AUTS2: variants seen among roughly 807,000 people sequenced by gnomAD.
The protein encoded by AUTS2 is activator of transcription and developmental regulator AUTS2.
A neutral mutation model predicts 112.4 loss-of-function variants in AUTS2; 17 were observed. That is an observed-to-expected ratio of 0.15 (90% CI 0.10 to 0.23). The LOEUF (loss-of-function observed/expected upper bound fraction) is 0.23. Ranked by LOEUF, AUTS2 falls within the 10% of genes least tolerant of loss-of-function variation. The pLI is 1.00. For missense variants in AUTS2, 1,510 were observed against 1,701.6 expected (o/e 0.89, Z 1.98); for synonymous variants, 751 against 702.7 (o/e 1.07, Z -1.09).
rs895785428 is a variant in AUTS2, at chr7:69,636,489, C to CG, written c.309+36527_309+36528insG. Among the ~76,000 whole-genome samples the CG allele has an allele frequency of 7.5e-5, 7 of 93,320 alleles. 2 individuals are homozygous for CG. The highest frequency in any genetic ancestry group is 2.0e-4 in the African/African-American group (5 of 24,428). The allele number at this position is 93,320 out of a possible 152,430, so 61.2% of individuals were successfully genotyped here. ...ACCTCAAGTGATCCGCGCCCCCCCC[C>CG]CCCCTTGGCCTCCCAAAGTGCTAGG... On this transcript the variant is annotated intron_variant, in intron 1 of 18. Transcript: ENST00000342771.
At chr7:70,081,932 AAG>A (rs1337900663) in intron 2 of AUTS2, among the ~76,000 whole-genome samples, 2 of 123,428 alleles carry the variant, frequency 1.6e-5, no homozygotes, top group Non-Finnish European at 3.3e-5. Context: ...TTTTTCTGTG[AAG>A]AGTGTGTGTG....
chr7:70,338,650 A>C (rs761139014), intron 4 of AUTS2, among the ~76,000 whole-genome samples: 2 of 152,120 alleles, frequency 1.3e-5, no homozygotes, highest in African/African-American at 4.8e-5. Flanking sequence ...TTCAGGGATG[A>C]GTATTCCCTC....
chr7:70,370,332 T>A (rs1485057796), intron 4 of AUTS2, among the ~76,000 whole-genome samples: 2 of 152,136 alleles, frequency 1.3e-5, no homozygotes, highest in Non-Finnish European at 2.9e-5. Flanking sequence ...CCTTGCCCAT[T>A]CCACTGCCCC....
At chr7:69,883,517 G>A (rs1423609319) in intron 1 of AUTS2, among the ~76,000 whole-genome samples, 1 of 152,128 alleles carries the variant, frequency 6.6e-6, no homozygotes, top group Non-Finnish European at 1.5e-5. Context: ...TGACAAAACA[G>A]CTGTCATTTT....
intron 5 of AUTS2, among the ~76,000 whole-genome samples, chr7:70,635,337 T>C (rs1195339943): frequency 1.3e-5 from 2 of 152,154 alleles, no homozygotes; most frequent in Non-Finnish European, 2.9e-5. Flanking sequence ...CTTCTGAACA[T>C]TGTGAAGGCA....
intron 5 of AUTS2, among the ~76,000 whole-genome samples, chr7:70,549,124 T>C (rs1800915805): frequency 6.6e-6 from 1 of 152,240 alleles, no homozygotes; most frequent in Admixed American, 6.5e-5. Context: ...GTTGCACTTC[T>C]TTTGTGTTAT....
chr7:70,091,231 T>C (rs1803904484), intron 2 of AUTS2, among the ~76,000 whole-genome samples: 1 of 152,198 alleles, frequency 6.6e-6, no homozygotes, highest in Admixed American at 6.5e-5. Flanking sequence ...ATTTTTCCCC[T>C]GGATGCTCTT....
At chr7:69,602,736 A>G (rs1235944728) in intron 1 of AUTS2, among the ~76,000 whole-genome samples, 1 of 152,220 alleles carries the variant, frequency 6.6e-6, no homozygotes, top group Non-Finnish European at 1.5e-5. Flanking sequence ...AAGAGGCCCA[A>G]CTTTTGTAGG....
At chr7:70,528,355 C>T (rs1180796167) in intron 5 of AUTS2, among the ~76,000 whole-genome samples, 2 of 151,888 alleles carry the variant, frequency 1.3e-5, no homozygotes, top group Admixed American at 6.6e-5. Flanking sequence ...TTGCAGAGCA[C>T]GCTGAGCAGG....
At chr7:70,751,829 T>C (rs1214750797) in intron 6 of AUTS2, among the ~76,000 whole-genome samples, 2 of 151,946 alleles carry the variant, frequency 1.3e-5, no homozygotes, top group Admixed American at 6.6e-5. Flanking sequence ...CAAGTGATTC[T>C]CCTGCCTCAG....
At chr7:70,253,659 C>G (rs1469393137) in intron 4 of AUTS2, among the ~76,000 whole-genome samples, 1 of 152,070 alleles carries the variant, frequency 6.6e-6, no homozygotes, top group Non-Finnish European at 1.5e-5. Context: ...CTTATATTCT[C>G]AGGGTGAGGT....
intron 2 of AUTS2, among the ~76,000 whole-genome samples, chr7:70,003,322 A>G (rs1451766523): frequency 7.6e-6 from 1 of 131,434 alleles, no homozygotes; most frequent in South Asian, 2.2e-4. Context: ...AATATATATA[A>G]CATATGAATA....
At chr7:70,281,001 C>T (rs1370940987) in intron 4 of AUTS2, among the ~76,000 whole-genome samples, 1 of 152,064 alleles carries the variant, frequency 6.6e-6, no homozygotes, top group African/African-American at 2.4e-5. Context: ...TACCCATATC[C>T]ACGTTCTTAT....
chr7:69,798,644 T>C (rs1281646951), intron 1 of AUTS2, among the ~76,000 whole-genome samples: 1 of 152,036 alleles, frequency 6.6e-6, no homozygotes, highest in African/African-American at 2.4e-5. Context: ...GCACCATTAG[T>C]GGGGATATAA....
intron 4 of AUTS2, among the ~76,000 whole-genome samples, chr7:70,255,363 C>T (rs956655601): frequency 2.6e-5 from 4 of 152,118 alleles, no homozygotes; most frequent in Admixed American, 6.5e-5. Context: ...TGAGCCACCA[C>T]GCCCAGCCAC....
At position 70,790,181 on chromosome 7, in the gene AUTS2, G is replaced by GACC; in HGVS notation, c.2967_2969dup (p.His990dup). 3.1e-6 allele frequency: 5 copies of GACC among 1,612,440 alleles called. No homozygotes were observed. The highest frequency in any genetic ancestry group is 2.5e-6 in the Non-Finnish European group (3 of 1,179,762). ...CAAGGTGAAGGAGGAGCGGAAGGAA[G>GACC]ACCATGACCTGCCTCCAGAGGCCCC... is the stretch of plus-strand genomic sequence containing the variant. On this transcript the variant is annotated inframe_insertion, in exon 19 of 19. Transcript: ENST00000342771. This position sits in a 1 kb window ranked among gnomAD's most constrained non-coding sequence, Gnocchi z 7.6.
chr7:70,636,909 C>T (rs1805563910), intron 5 of AUTS2, among the ~76,000 whole-genome samples: 3 of 152,120 alleles, frequency 2.0e-5, no homozygotes, highest in Admixed American at 2.0e-4. Context: ...TTCCAAAGTG[C>T]TGGGATTATA....
At position 70,287,552 on chromosome 7, in the gene AUTS2, C is replaced by T. The variant is rs567007273; in HGVS notation, c.661-148200C>T. Among the ~76,000 whole-genome samples the T allele has an allele frequency of 1.6e-4, 24 of 152,154 alleles. 1 individual carries two copies. In the South Asian group the frequency reaches 4.2e-3, roughly 26 times the overall value. On this transcript the variant is annotated intron_variant, in intron 4 of 18. Transcript: ENST00000342771. ...AGTGGCTCCTCCCAGTAGTTTAGAG[C>T]GTTGCTGACCACCTTCTTTTTGTCC...
chr7:69,841,959 G>A (rs979070141), intron 1 of AUTS2, among the ~76,000 whole-genome samples: 2 of 152,202 alleles, frequency 1.3e-5, no homozygotes, highest in African/African-American at 2.4e-5. Context: ...CCATGAGAGA[G>A]ACGAGTGCAT....
Sources: gnomAD v4.1 joint callset for allele counts (sites outside exome capture counted in the v4.1 genomes callset) on GRCh38, gnomAD v4.1.1 for gene constraint, Gnocchi (gnomAD v3.1) non-coding constraint, MANE v1.5 for transcripts, NCBI Gene and HGNC (gene_info 2026-07-23, HGNC 2026-07-21) for gene names.